The following MTUS2 variants were observed in gnomAD, a reference collection of about 807,000 sequenced individuals.
MTUS2 encodes microtubule-associated tumor suppressor candidate 2.
MTUS2 carries 40 observed loss-of-function variants against 114.1 expected under a neutral mutation model. That is an observed-to-expected ratio of 0.35 (90% CI 0.27 to 0.46). The LOEUF (loss-of-function observed/expected upper bound fraction) is 0.46, where lower values mean the gene tolerates loss of function less well. Ranked by LOEUF, MTUS2 falls within the 20% of genes least tolerant of loss-of-function variation. The pLI is 1.00. For synonymous variants in MTUS2, 688 were observed against 672.0 expected, an observed-to-expected ratio of 1.02 and a Z score of -0.37; for missense variants, 1,679 against 1,705.4, an observed-to-expected ratio of 0.98 and a Z score of 0.27.
intron 2 of MTUS2, among the ~76,000 whole-genome samples, chr13:28,880,689 A>T (rs1878234030): frequency 1.3e-5 from 2 of 152,236 alleles, no homozygotes; most frequent in Non-Finnish European, 2.9e-5. Context: ...TTTTGAGTAT[A>T]CCAGATTTTG....
chr13:28,946,901 A>G (rs181827328), intron 2 of MTUS2, among the ~76,000 whole-genome samples: 4 of 152,228 alleles, frequency 2.6e-5, no homozygotes, highest in African/African-American at 9.6e-5. Flanking sequence ...AACTATTTCC[A>G]TGTAGAAGTC....
chr13:28,954,164 T>C (rs537513486), intron 2 of MTUS2, among the ~76,000 whole-genome samples: 1 of 152,338 alleles, frequency 6.6e-6, no homozygotes, highest in South Asian at 2.1e-4. Context: ...TTCATTTTTA[T>C]CAACAATGCA....
chr13:29,160,924 A>G (rs1893070551), intron 5 of MTUS2, among the ~76,000 whole-genome samples: 1 of 152,246 alleles, frequency 6.6e-6, no homozygotes, highest in Non-Finnish European at 1.5e-5. Context: ...CAAAGGTTAC[A>G]TACTGCATGA....
intron 5 of MTUS2, among the ~76,000 whole-genome samples, chr13:29,178,113 TG>T: frequency 6.6e-6 from 1 of 152,292 alleles, no homozygotes; most frequent in Middle Eastern, 3.4e-3. Flanking sequence ...TTTGCTTAGA[TG>T]GGCTCATATT....
At chr13:29,407,992 G>C (rs1874915801) in intron 8 of MTUS2, among the ~76,000 whole-genome samples, 1 of 151,924 alleles carries the variant, frequency 6.6e-6, no homozygotes, top group Admixed American at 6.6e-5. Flanking sequence ...TCTGAGAATT[G>C]CTTTTTCATA....
In MTUS2 at chr13:29,505,579, C is replaced by G. The variant is rs1883182054; in HGVS notation, c.*2373C>G. 5.2e-5 allele frequency: 12 copies of G among 232,158 alleles called. No individual in the cohort carries two copies. The South Asian group carries it at 1.8e-3, about 35-fold the overall frequency. The allele number at this position is 232,158 out of a possible 1,614,324, so 14.4% of individuals were successfully genotyped here. On this transcript the variant is annotated 3_prime_UTR_variant, in exon 16 of 16. Coordinates refer to ENST00000612955, the MANE Select transcript of MTUS2 (RefSeq NM_001033602.4). Reference sequence around the variant, plus strand: ...GCCTCCTTCTCAATTCTTCCACCCCCCCACACCATCAGAATTCGGATTTCT... The same window carrying G: ...GCCTCCTTCTCAATTCTTCCACCCCGCCACACCATCAGAATTCGGATTTCT...
chr13:29,002,679 A>G (rs1885436660), intron 2 of MTUS2, among the ~76,000 whole-genome samples: 1 of 152,204 alleles, frequency 6.6e-6, no homozygotes. Flanking sequence ...CCTCCATTAG[A>G]TCGTCATGCT....
intron 2 of MTUS2, among the ~76,000 whole-genome samples, chr13:28,961,613 C>T (rs2138213994): frequency 6.6e-6 from 1 of 152,278 alleles, no homozygotes; most frequent in African/African-American, 2.4e-5. Context: ...TTGGGATTAA[C>T]ATAGCTAAAA....
At chr13:29,344,099 A>G (rs1275233125) in intron 7 of MTUS2, among the ~76,000 whole-genome samples, 1 of 152,002 alleles carries the variant, frequency 6.6e-6, no homozygotes, top group East Asian at 1.9e-4. Context: ...AGAATGTTCC[A>G]TGTGCTGATG....
chr13:28,844,056 G>C (rs1875694827), intron 2 of MTUS2, among the ~76,000 whole-genome samples: 1 of 152,160 alleles, frequency 6.6e-6, no homozygotes, highest in South Asian at 2.1e-4. Context: ...AAATGAATAG[G>C]TAATTATTCA....
At chr13:29,443,131 C>G (rs1878016001) in intron 9 of MTUS2, among the ~76,000 whole-genome samples, 1 of 152,154 alleles carries the variant, frequency 6.6e-6, no homozygotes, top group African/African-American at 2.4e-5. Context: ...CCCACAAGTT[C>G]CCCTTCATAA....
At chr13:29,026,994 C>A (rs1292398624) in intron 3 of MTUS2, 91 bp downstream of exon 3, 8 of 1,300,940 alleles carry the variant, frequency 6.1e-6, no homozygotes, top group African/African-American at 1.5e-5. Flanking sequence ...AAAATGTCCT[C>A]TTTAAGTGAA....
intron 2 of MTUS2, among the ~76,000 whole-genome samples, chr13:28,848,419 A>G (rs1281674037): frequency 1.3e-5 from 2 of 152,164 alleles, no homozygotes; most frequent in African/African-American, 4.8e-5. Flanking sequence ...TTGTATGACA[A>G]TAATTGCTGT....
Position 29,500,377 on chromosome 13 carries a change from G to A in MTUS2, c.3799-720G>A, listed in dbSNP as rs116603115. Among the ~76,000 whole-genome samples, 650 of 152,288 alleles carry A rather than the reference G, an allele frequency of 4.3e-3. 7 individuals carry two copies. Among genetic ancestry groups the A allele is most frequent in the South Asian group, 0.023 (110 of 4,822 alleles). ...AGTGAACTTGTCACATTCTTTTCAG[G>A]AAATAATTTATTTCTAAATTGGTCT... is the stretch of plus-strand genomic sequence containing the variant. On this transcript the variant is annotated intron_variant, in intron 14 of 15. Transcript: ENST00000612955.
intron 5 of MTUS2, among the ~76,000 whole-genome samples, chr13:29,171,139 A>AGT (rs1425074989): frequency 2.9e-4 from 35 of 120,618 alleles, no homozygotes; most frequent in African/African-American, 8.3e-4. Context: ...TGAGAGAGAG[A>AGT]GAGTGTGTGT....
Position 29,498,415 on chromosome 13 carries a change from T to C in MTUS2, c.3679-3T>C. 1 of 1,614,052 alleles carries C rather than the reference T, an allele frequency of 6.2e-7. No homozygotes were observed. The highest frequency in any genetic ancestry group is 8.5e-7 in the Non-Finnish European group (1 of 1,179,914). On this transcript the variant is annotated splice_polypyrimidine_tract_variant and splice_region_variant and intron_variant, in intron 13 of 15. Coordinates refer to ENST00000612955, the MANE Select transcript of MTUS2 (RefSeq NM_001033602.4). ...AACAGCTCATGGCTCTCTGCCTCTG[T>C]AGATTGCATTGGCTCCTTATCAGCA...
chr13:29,451,184 TCTG>T (rs1294640883), intron 9 of MTUS2, among the ~76,000 whole-genome samples: 2 of 152,164 alleles, frequency 1.3e-5, no homozygotes, highest in Admixed American at 6.5e-5. Flanking sequence ...CAGACCATAT[TCTG>T]AGCCATAAAA....
rs140290309 is a variant in MTUS2, at chr13:28,849,189, G to A, written c.-243+9339G>A. Among the ~76,000 whole-genome samples the A allele has an allele frequency of 1.3e-3, 195 of 152,296 alleles. 3 individuals are homozygous for A. The highest frequency in any genetic ancestry group is 4.5e-3 in the African/African-American group (186 of 41,538). ...AGTGCATATATTCCTGAAGATAGTAGCATTTTATTTGTTTTCCAAACACTC... is the reference window on the plus strand; with the variant it reads ...AGTGCATATATTCCTGAAGATAGTAACATTTTATTTGTTTTCCAAACACTC... On this transcript the variant is annotated intron_variant, in intron 2 of 15. Coordinates refer to ENST00000612955, the MANE Select transcript of MTUS2 (RefSeq NM_001033602.4).
At chr13:29,444,337 G>A (rs1878119756) in intron 9 of MTUS2, among the ~76,000 whole-genome samples, 1 of 152,240 alleles carries the variant, frequency 6.6e-6, no homozygotes. Context: ...TCTGAGGCAG[G>A]AGAATCGCTT....
Sources: allele counts gnomAD v4.1 joint callset (sites outside exome capture counted in the v4.1 genomes callset), GRCh38; gene constraint gnomAD v4.1.1; transcripts MANE v1.5; gene names NCBI Gene and HGNC (gene_info 2026-07-23, HGNC 2026-07-21).